The following TNRC6B variants were observed in gnomAD, a reference collection of about 807,000 sequenced individuals.
TNRC6B encodes the protein trinucleotide repeat containing adaptor 6B, also known as trinucleotide repeat-containing gene 6B protein.
Under a neutral mutation model 203.6 loss-of-function variants are expected in TNRC6B, and 52 were observed. The ratio of observed to expected loss-of-function variants is 0.26; its 90% CI spans 0.20 to 0.32. TNRC6B has a LOEUF of 0.32. TNRC6B is among the 10% of genes least tolerant of loss of function. TNRC6B has a pLI of 1.00. For missense variants in TNRC6B, 1,923 were observed against 2,286.2 expected (o/e 0.84, Z 3.24); for synonymous variants, 838 against 845.7 (o/e 0.99, Z 0.16).
At chr22:40,299,174 A>C (rs1413587410) in intron 12 of TNRC6B, among the ~76,000 whole-genome samples, 2 of 151,240 alleles carry the variant, frequency 1.3e-5, no homozygotes, top group African/African-American at 2.4e-5. Context: ...AAAAAAAAAA[A>C]CAAAACTGGG....
chr22:40,201,081 T>C (rs1463026689), intron 1 of TNRC6B, among the ~76,000 whole-genome samples: 1 of 152,204 alleles, frequency 6.6e-6, no homozygotes, highest in Non-Finnish European at 1.5e-5. Flanking sequence ...GGGTGGCACA[T>C]GGCAAGCACC....
At chr22:40,315,109 C>T (rs1017792727) in intron 19 of TNRC6B, among the ~76,000 whole-genome samples, 174 bp from the exon 20 acceptor site, 6 of 152,078 alleles carry the variant, frequency 3.9e-5, no homozygotes, top group African/African-American at 1.2e-4. Flanking sequence ...ATTTTATGTT[C>T]GTTATGCTCT....
chr22:40,229,134 A>G (rs2069832756), intron 1 of TNRC6B, among the ~76,000 whole-genome samples: 1 of 152,234 alleles, frequency 6.6e-6, no homozygotes, highest in Admixed American at 6.5e-5. Flanking sequence ...TTCAGTGAAG[A>G]TGCTGGTAGT....
In TNRC6B at chr22:40,315,336, C is replaced by A; in HGVS notation, c.4732C>A (p.Pro1578Thr). 3.7e-6 allele frequency: 6 copies of A among 1,613,946 alleles called. No individual in the cohort carries two copies. Among genetic ancestry groups the A allele is most frequent in the Non-Finnish European group, 5.1e-6 (6 of 1,179,880 alleles). Residue 1578 changes from proline to threonine, a missense_variant, in exon 20 of 23, where the codon CCC becomes ACC. Around this residue, in one of 8 missense-constraint regions of TNRC6B, gnomAD observed 159 missense variants for 181.0 expected, o/e 0.88. Transcript: ENST00000454349. Reference sequence around the variant, plus strand: ...GTCCCCAGATCCCATAGGACACAACCCCACTCATCTCTCCAACAAGATGTG... The same window carrying A: ...GTCCCCAGATCCCATAGGACACAACACCACTCATCTCTCCAACAAGATGTG... ...TWSPDPIGHN[P>T]THLSNKMWKN... is the part of the protein sequence containing the mutation.
chr22:40,104,475 A>G lies in TNRC6B; in HGVS notation c.-120-12580A>G, dbSNP rs937469321. 2.6e-5 allele frequency among the ~76,000 whole-genome samples: 4 copies of G among 152,046 alleles called. No homozygotes were observed. The South Asian group carries it at 6.2e-4, about 24-fold the overall frequency. On this transcript the variant is annotated intron_variant, in intron 1 of 23. Transcript: ENST00000301923. ...CACCAAAGGACTACTTCTGTATGTG[A>G]TGTAGATCCAAATTTGGAGTCAGTT...
intron 1 of TNRC6B, among the ~76,000 whole-genome samples, chr22:40,231,773 T>C (rs1201582878): frequency 6.6e-6 from 1 of 152,156 alleles, no homozygotes; most frequent in Non-Finnish European, 1.5e-5. Flanking sequence ...GAAATTAGAG[T>C]GCATATTCCT....
intron 1 of TNRC6B, among the ~76,000 whole-genome samples, chr22:40,215,067 T>C (rs2069617511): frequency 6.6e-6 from 1 of 152,218 alleles, no homozygotes. Flanking sequence ...CTTTCTTTTT[T>C]TTTTAACCTT....
At chr22:40,256,337 AT>A (rs1361812845) in intron 3 of TNRC6B, among the ~76,000 whole-genome samples, 1 of 152,142 alleles carries the variant, frequency 6.6e-6, no homozygotes, top group Non-Finnish European at 1.5e-5. Flanking sequence ...CTATTGTCAC[AT>A]TGATTTTGTT....
chr22:40,305,122 TTAGGGTGTGTGGAGAATGAGAGAGAG>T (rs1734761336), intron 15 of TNRC6B, among the ~76,000 whole-genome samples: 1 of 152,078 alleles, frequency 6.6e-6, no homozygotes, highest in Non-Finnish European at 1.5e-5. Flanking sequence ...AGACCATGAA[TTAGGGTGTGTGGAGAATGAGAGAGAG>T]TAATTCTAGC....
At chr22:40,176,002 C>T (rs1309874421), upstream of TNRC6B, among the ~76,000 whole-genome samples, 2 of 152,150 alleles carry the variant, frequency 1.3e-5, no homozygotes, top group Non-Finnish European at 2.9e-5. Context: ...TTCTAGAATC[C>T]ATCAGTTGTC....
chr22:40,162,553 G>A (rs923031594), intron 4 of TNRC6B, among the ~76,000 whole-genome samples: 1 of 152,156 alleles, frequency 6.6e-6, no homozygotes, highest in Admixed American at 6.6e-5. Context: ...AGATTTTATA[G>A]ATAATCATCT....
chr22:40,242,157 G>A (rs980007971), intron 1 of TNRC6B, among the ~76,000 whole-genome samples: 1 of 150,772 alleles, frequency 6.6e-6, no homozygotes, highest in Admixed American at 6.7e-5. Flanking sequence ...AGCCCTCAGA[G>A]TGACAGAGCT....
intron 9 of TNRC6B, among the ~76,000 whole-genome samples, chr22:40,278,603 G>A (rs952709105): frequency 6.6e-6 from 1 of 151,278 alleles, no homozygotes; most frequent in African/African-American, 2.4e-5. Flanking sequence ...CAGGTTAACT[G>A]TGGAGCGTCC....
intron 1 of TNRC6B, among the ~76,000 whole-genome samples, chr22:40,197,820 C>T (rs1280116140): frequency 6.6e-6 from 1 of 151,788 alleles, no homozygotes; most frequent in African/African-American, 2.4e-5. Flanking sequence ...CTGTGCTGCT[C>T]AGGCTGGTCT....
intron 10 of TNRC6B, among the ~76,000 whole-genome samples, chr22:40,280,450 A>C (rs2146522026): frequency 6.6e-6 from 1 of 152,342 alleles, no homozygotes; most frequent in Non-Finnish European, 1.5e-5. Flanking sequence ...TGCAGCTACA[A>C]AATAAATTTT....
At chr22:40,133,598 A>G (rs2068571612) in intron 3 of TNRC6B, among the ~76,000 whole-genome samples, 1 of 152,134 alleles carries the variant, frequency 6.6e-6, no homozygotes, top group African/African-American at 2.4e-5. Context: ...GACGGGTTTC[A>G]TGGTTTTTAT....
chr22:40,088,122 CAT>C (rs2068116011), intron 1 of TNRC6B, among the ~76,000 whole-genome samples: 1 of 152,206 alleles, frequency 6.6e-6, no homozygotes, highest in Non-Finnish European at 1.5e-5. Context: ...AGGATGAACT[CAT>C]AAAAAGTTGT....
chr22:40,228,888 T>A (rs1344539462), intron 1 of TNRC6B, among the ~76,000 whole-genome samples: 2 of 152,136 alleles, frequency 1.3e-5, no homozygotes, highest in Non-Finnish European at 2.9e-5. Context: ...AGGCTGTTGT[T>A]AGAAGCATGG....
At chr22:40,107,622 A>G (rs1000613169) in intron 1 of TNRC6B, among the ~76,000 whole-genome samples, 3 of 152,050 alleles carry the variant, frequency 2.0e-5, no homozygotes, top group Non-Finnish European at 2.9e-5. Flanking sequence ...TCTGTCAGCT[A>G]TAAAATACTG....
Sources: allele counts gnomAD v4.1 joint callset (sites outside exome capture counted in the v4.1 genomes callset), GRCh38; gene constraint gnomAD v4.1.1; regional missense constraint gnomAD v4.1.1; transcripts MANE v1.5; gene names NCBI Gene and HGNC (gene_info 2026-07-23, HGNC 2026-07-21).